Variants in ERG observed in about 807,000 individuals in gnomAD.
The protein encoded by ERG is ETS transcription factor ERG, also known as transcriptional regulator ERG.
ERG carries 9 observed loss-of-function variants against 55.3 expected under a neutral mutation model. The observed-to-expected ratio is 0.16, with a 90% confidence interval of 0.10 to 0.28. ERG has a LOEUF of 0.28. ERG is among the 10% of genes least tolerant of loss of function. The probability of loss-of-function intolerance (pLI) is 1.00; values close to 1 mark genes in which losing one functional copy is unlikely to be tolerated. For missense variants in ERG, 434 were observed against 631.6 expected (o/e 0.69, Z 3.35); for synonymous variants, 223 against 237.3 (o/e 0.94, Z 0.55).
intron 2 of ERG, among the ~76,000 whole-genome samples, chr21:38,511,838 GGC>G (rs1865841133): frequency 6.6e-6 from 1 of 152,070 alleles, no homozygotes; most frequent in Admixed American, 6.6e-5. Flanking sequence ...TAGCATTCCT[GGC>G]CTCTACCCAC....
At chr21:38,619,245 A>T (rs1568953684) in intron 1 of ERG, among the ~76,000 whole-genome samples, 2 of 152,172 alleles carry the variant, frequency 1.3e-5, no homozygotes, top group Non-Finnish European at 2.9e-5. Context: ...ATTACAGCCC[A>T]CACACCTGGT....
chr21:38,472,342 G>A (rs998257810), intron 1 of ERG, among the ~76,000 whole-genome samples: 5 of 152,124 alleles, frequency 3.3e-5, no homozygotes, highest in African/African-American at 9.7e-5. Context: ...AGTCAATGAC[G>A]GGATTATACG....
intron 1 of ERG, among the ~76,000 whole-genome samples, chr21:38,606,677 AACAG>A (rs1434598084): frequency 6.6e-6 from 1 of 152,220 alleles, no homozygotes; most frequent in Non-Finnish European, 1.5e-5. Flanking sequence ...ATAAATCAAT[AACAG>A]ACAGAGCTGA....
chr21:38,595,607 C>A (rs185233815), intron 1 of ERG, among the ~76,000 whole-genome samples: 1 of 152,092 alleles, frequency 6.6e-6, no homozygotes, highest in African/African-American at 2.4e-5. Flanking sequence ...AGAAGCAGGG[C>A]GGGAGCGGTG....
At chr21:38,617,177 A>T (rs995186691) in intron 1 of ERG, among the ~76,000 whole-genome samples, 6 of 152,222 alleles carry the variant, frequency 3.9e-5, no homozygotes, top group Non-Finnish European at 7.3e-5. Flanking sequence ...CAGAGATGAC[A>T]TCAAGTTTCT....
At chr21:38,547,189 T>C (rs988321126) in intron 2 of ERG, among the ~76,000 whole-genome samples, 17 of 152,348 alleles carry the variant, frequency 1.1e-4, no homozygotes, top group African/African-American at 3.6e-4. Flanking sequence ...TGAAAAGTCA[T>C]GGATTTTTTT....
intron 2 of ERG, among the ~76,000 whole-genome samples, chr21:38,541,618 G>A (rs1306208162): frequency 6.6e-6 from 1 of 152,204 alleles, no homozygotes; most frequent in Non-Finnish European, 1.5e-5. Flanking sequence ...TATTTTGTGA[G>A]TGATTTATGC....
intron 3 of ERG, among the ~76,000 whole-genome samples, chr21:38,405,895 G>T (rs1052156077): frequency 2.6e-5 from 4 of 152,160 alleles, no homozygotes; most frequent in African/African-American, 9.6e-5. Context: ...GCTCACGCCT[G>T]TAATCCCAGC....
chr21:38,600,785 G>GT (rs35745619), intron 1 of ERG, among the ~76,000 whole-genome samples: 10 of 152,126 alleles, frequency 6.6e-5, no homozygotes, highest in South Asian at 4.2e-4. Context: ...TATTCTTTAT[G>GT]TTTTTTTTGG....
chr21:38,464,815 T>A (rs1023496227), intron 1 of ERG, among the ~76,000 whole-genome samples: 2 of 152,108 alleles, frequency 1.3e-5, no homozygotes, highest in African/African-American at 4.8e-5. Flanking sequence ...ACATGTGGTG[T>A]TTGGTTTTCT....
chr21:38,376,941 A>AT (rs1987259715), downstream of ERG, among the ~76,000 whole-genome samples: 1 of 152,250 alleles, frequency 6.6e-6, no homozygotes, highest in Non-Finnish European at 1.5e-5. Context: ...TTCCTGTCTG[A>AT]TAACTACCAA....
At chr21:38,562,236 C>T (rs1185149810) in intron 2 of ERG, among the ~76,000 whole-genome samples, 4 of 152,144 alleles carry the variant, frequency 2.6e-5, no homozygotes, top group Non-Finnish European at 4.4e-5. Context: ...CATACATACA[C>T]GCACATATAT....
chr21:38,415,339 A>G (rs1388462062), intron 3 of ERG, among the ~76,000 whole-genome samples: 2 of 152,358 alleles, frequency 1.3e-5, no homozygotes, highest in East Asian at 3.9e-4. Flanking sequence ...AGTGCCTGAC[A>G]ACAGTGCATA....
chr21:38,625,221 A>T (rs2060317082), intron 1 of ERG, among the ~76,000 whole-genome samples: 1 of 152,210 alleles, frequency 6.6e-6, no homozygotes, highest in Non-Finnish European at 1.5e-5. Context: ...ATCCTTAGAT[A>T]CAGAATACTC....
At chr21:38,610,532 T>C (rs909325049) in intron 1 of ERG, among the ~76,000 whole-genome samples, 1 of 151,896 alleles carries the variant, frequency 6.6e-6, no homozygotes, top group African/African-American at 2.4e-5. Flanking sequence ...CGCGCGTGTG[T>C]GTGTGTGTGT....
Position 38,460,873 on chromosome 21 carries a change from T to C in ERG, c.19-15252A>G, listed in dbSNP as rs2059035727. Among the ~76,000 whole-genome samples, 1 of 152,216 alleles carries C rather than the reference T, an allele frequency of 6.6e-6. No homozygotes were observed. Among genetic ancestry groups the C allele is most frequent in the Non-Finnish European group, 1.5e-5 (1 of 68,032 alleles). ...ACAATGGTGTCACTTCCTTTCTGCTTAGGAAGGAGACGTTTGGAAAAACTG... is the reference window on the plus strand; with the variant it reads ...ACAATGGTGTCACTTCCTTTCTGCTCAGGAAGGAGACGTTTGGAAAAACTG... On this transcript the variant is annotated intron_variant, in intron 1 of 9. Coordinates refer to ENST00000288319, the MANE Select transcript of ERG (RefSeq NM_182918.4). This position sits in a 1 kb window ranked among gnomAD's most constrained non-coding sequence, Gnocchi z 5.0.
In ERG at chr21:38,602,710, T is replaced by C. The variant is rs189916191; in HGVS notation, c.-149-17765A>G. On this transcript the variant is annotated intron_variant, in intron 1 of 10. Transcript: ENST00000398910. ...TCATTTGTGGGCTTTGTGATTTTTT[T>C]CCCTCTCAAGCCATTTTGAAGAAAA... Among the ~76,000 whole-genome samples the C allele has an allele frequency of 4.3e-3, 658 of 152,002 alleles. 8 individuals carry two copies. The highest frequency in any genetic ancestry group is 0.015 in the African/African-American group (619 of 41,348).
chr21:38,436,020 C>CTTTTTTTTTTTTT (rs11384369), intron 2 of ERG, among the ~76,000 whole-genome samples: 3 of 133,326 alleles, frequency 2.3e-5, no homozygotes. Context: ...TTCTTTTTTT[C>CTTTTTTTTTTTTT]TTTTTTTTTT....
intron 1 of ERG, among the ~76,000 whole-genome samples, chr21:38,467,581 G>A (rs929888472): frequency 3.3e-5 from 5 of 152,182 alleles, no homozygotes; most frequent in Non-Finnish European, 5.9e-5. Context: ...AGACACACCC[G>A]CGGAGGTTCT....
Sources: allele counts gnomAD v4.1 joint callset (sites outside exome capture counted in the v4.1 genomes callset), GRCh38; gene constraint gnomAD v4.1.1; non-coding constraint Gnocchi (gnomAD v3.1); transcripts MANE v1.5; gene names NCBI Gene and HGNC (gene_info 2026-07-23, HGNC 2026-07-21).